The following DNM2 variants were observed in gnomAD, a reference collection of about 807,000 sequenced individuals.
The protein encoded by DNM2 is dynamin 2.
DNM2 carries 15 observed loss-of-function variants against 99.0 expected under a neutral mutation model. That is an observed-to-expected ratio of 0.15 (90% CI 0.10 to 0.23). The LOEUF is 0.23. Ranked by LOEUF, DNM2 falls within the 10% of genes least tolerant of loss-of-function variation. The pLI, the probability that DNM2 is intolerant of heterozygous loss-of-function variation, is 1.00. For synonymous variants in DNM2, 525 were observed against 481.2 expected (o/e 1.09, Z -1.19); for missense variants, 742 against 1,189.4 (o/e 0.62, Z 5.53).
intron 6 of DNM2, among the ~76,000 whole-genome samples, chr19:10,785,762 A>G (rs1251689798): frequency 6.6e-6 from 1 of 152,152 alleles, no homozygotes; most frequent in African/African-American, 2.4e-5. Context: ...CAGATGGCCA[A>G]ACTCTGCTTT....
rs1010447791 is a variant in DNM2 at position 10,772,612 on chromosome 19, A to G, written c.369A>G (p.Arg123=). 1 of 1,614,140 alleles carries G rather than the reference A, an allele frequency of 6.2e-7. No individual in the cohort carries two copies. ...TCTCCCCAGTGCCCATCAACCTTCG[A>G]GTCTACTCGCCACACGGTAGGCAGC... ...KGISPVPINL[R]VYSPHVLNLT... Residue 123 remains arginine (R), a synonymous_variant, in exon 3 of 21, where the codon CGA becomes CGG. Transcript: ENST00000389253. This position sits in a 1 kb window ranked among gnomAD's most constrained non-coding sequence, Gnocchi z 4.9.
intron 13 of DNM2, 62 bp downstream of exon 13, chr19:10,806,029 C>A: frequency 6.2e-7 from 1 of 1,606,904 alleles, no homozygotes; most frequent in Non-Finnish European, 8.5e-7. Flanking sequence ...TAAGTGACAG[C>A]TAAGCCCCCG....
chr19:10,831,012 A>G lies in DNM2; in HGVS notation c.2578A>G (p.Ile860Val). The change falls in exon 21 of 21, where the codon ATT (isoleucine) becomes GTT (valine). Residue 860 changes from isoleucine (I) to valine (V), a missense_variant. Coordinates refer to ENST00000389253, the MANE Select transcript of DNM2 (RefSeq NM_001005361.3). The surrounding 1 kb of genome is among the most constrained non-coding windows in gnomAD (Gnocchi z 4.3). Reference sequence around the variant, plus strand: ...CCCTGCTGCGCCCAGCCGGCCCACCATTATCCGCCCAGCCGAGCCATCCCT... The same window carrying G: ...CCCTGCTGCGCCCAGCCGGCCCACCGTTATCCGCCCAGCCGAGCCATCCCT... ...RPPAAPSRPT[I>V]IRPAEPSLLD 2 of 1,610,056 alleles carry G rather than the reference A, an allele frequency of 1.2e-6. No individual in the cohort carries two copies. The highest frequency in any genetic ancestry group is 1.1e-5 in the South Asian group (1 of 90,514).
At chr19:10,719,039 G>A (rs1308703744) in intron 1 of DNM2, among the ~76,000 whole-genome samples, 1 of 152,144 alleles carries the variant, frequency 6.6e-6, no homozygotes, top group African/African-American at 2.4e-5. Flanking sequence ...GACACCAGCT[G>A]GCCTCTACTG....
intron 12 of DNM2, 147 bp from the exon 13 acceptor site, chr19:10,805,769 C>A: frequency 1.1e-6 from 1 of 940,432 alleles, no homozygotes; most frequent in Non-Finnish European, 1.7e-6. Context: ...TTCCCTTGCG[C>A]AGCTCTGTGT....
At chr19:10,723,191 A>G (rs904446873) in intron 1 of DNM2, among the ~76,000 whole-genome samples, 2 of 149,042 alleles carry the variant, frequency 1.3e-5, no homozygotes, top group African/African-American at 5.0e-5. Context: ...CTGGAGTGCA[A>G]TGGCACGATC....
chr19:10,799,296 C>G (rs1234513269), intron 11 of DNM2, among the ~76,000 whole-genome samples: 2 of 152,156 alleles, frequency 1.3e-5, no homozygotes, highest in Non-Finnish European at 2.9e-5. Flanking sequence ...TCCTACAGTC[C>G]TTCAAGTGGA....
intron 1 of DNM2, among the ~76,000 whole-genome samples, chr19:10,733,282 C>G (rs548684346): frequency 6.6e-6 from 1 of 150,640 alleles, no homozygotes; most frequent in African/African-American, 2.4e-5. Context: ...ACCTCCCCCT[C>G]TCGGGCTCAA....
intron 1 of DNM2, among the ~76,000 whole-genome samples, chr19:10,755,789 G>C (rs1006773476): frequency 7.2e-5 from 11 of 151,896 alleles, no homozygotes; most frequent in Admixed American, 6.6e-5. Context: ...TTAGCCTCCC[G>C]AGTGGCTGGG....
At position 10,830,161 on chromosome 19, in the gene DNM2, C is replaced by A; in HGVS notation, c.2326C>A (p.His776Asn). The change falls in exon 20 of 21, where the codon CAC becomes AAC. Residue 776 changes from histidine (H) to asparagine (N), a missense_variant. Physicochemically the swap from His to Asn is moderately conservative, Grantham distance 68. Transcript: ENST00000389253. The surrounding 1 kb of genome is among the most constrained non-coding windows in gnomAD (Gnocchi z 4.8). ...ACAGCGCCGACCGGTGTCCAGCATA[C>A]ACCCCCCTGGCCGGCCCCCAGCAGT... ...TPQRRPVSSIHPPGRPPAVRG... is the reference protein window; with the variant it reads ...TPQRRPVSSINPPGRPPAVRG... The A allele has an allele frequency of 6.2e-7, 1 of 1,613,850 alleles. No homozygotes were observed. The highest frequency in any genetic ancestry group is 8.5e-7 in the Non-Finnish European group (1 of 1,179,808).
chr19:10,761,092 G>T (rs948822592), intron 2 of DNM2, among the ~76,000 whole-genome samples: 3 of 151,840 alleles, frequency 2.0e-5, no homozygotes, highest in Admixed American at 6.6e-5. Context: ...GGGTTCAAGC[G>T]ATTCTCCTTC....
rs182752331 is a variant in DNM2, at chr19:10,784,958, G to A, written c.850-1606G>A. 5.4e-3 allele frequency among the ~76,000 whole-genome samples: 821 copies of A among 151,804 alleles called. 4 individuals are homozygous for A. Among genetic ancestry groups the A allele is most frequent in the Middle Eastern group, 0.017 (5 of 294 alleles). On this transcript the variant is annotated intron_variant, in intron 6 of 20. Coordinates refer to ENST00000389253, the MANE Select transcript of DNM2 (RefSeq NM_001005361.3). The stretch of plus-strand genomic sequence containing the variant: ...CATGCCTCAGCCTCCCAAGTAGCTG[G>A]GATTACAGGCGTGCGCCACCACACT...
chr19:10,724,412 C>A (rs575877863), intron 1 of DNM2, among the ~76,000 whole-genome samples: 1 of 152,096 alleles, frequency 6.6e-6, no homozygotes, highest in Non-Finnish European at 1.5e-5. Flanking sequence ...CTCCTGACTT[C>A]GTGATCCGCC....
chr19:10,821,528 A>C (rs1219209095), intron 16 of DNM2, among the ~76,000 whole-genome samples: 1 of 151,328 alleles, frequency 6.6e-6, no homozygotes, highest in Non-Finnish European at 1.5e-5. Flanking sequence ...CAGGCCTGCC[A>C]TGAAATCCTG....
At chr19:10,800,234 C>T (rs2072088659) in intron 11 of DNM2, among the ~76,000 whole-genome samples, 1 of 152,164 alleles carries the variant, frequency 6.6e-6, no homozygotes, top group South Asian at 2.1e-4. Flanking sequence ...CTTAATTAAG[C>T]CCTTGCTTGC....
Position 10,782,995 on chromosome 19 carries a change from A to C in DNM2, c.724A>C (p.Ile242Leu). 6.2e-7 allele frequency: 1 copy of C among 1,614,128 alleles called. No individual in the cohort carries two copies. The highest frequency in any genetic ancestry group is 1.3e-5 in the African/African-American group (1 of 75,056). Residue 242 changes from isoleucine (I) to leucine (L), a missense_variant, in exon 6 of 21, where the codon ATT (isoleucine) becomes CTT (leucine). By Grantham distance (5) the Ile-to-Leu change is conservative (BLOSUM62 2). Transcript: ENST00000389253. ...IGVVNRSQKD[I>L]EGKKDIRAAL... ...CGTGGTGAACCGCAGCCAGAAGGAT[A>C]TTGAGGGCAAGAAGGACATCCGTGC...
intron 1 of DNM2, among the ~76,000 whole-genome samples, chr19:10,746,182 A>G (rs2069959983): frequency 6.6e-6 from 1 of 152,168 alleles, no homozygotes; most frequent in Non-Finnish European, 1.5e-5. Flanking sequence ...GCTGCTCTCG[A>G]ACTCTGGACC....
chr19:10,719,587 C>G (rs1359678571), intron 1 of DNM2, among the ~76,000 whole-genome samples: 1 of 152,180 alleles, frequency 6.6e-6, no homozygotes, highest in Non-Finnish European at 1.5e-5. Context: ...CCACCTCTCC[C>G]TCCCACCAAC....
chr19:10,760,478 C>G (rs1326847152), intron 2 of DNM2, among the ~76,000 whole-genome samples: 1 of 152,118 alleles, frequency 6.6e-6, no homozygotes, highest in Non-Finnish European at 1.5e-5. Flanking sequence ...CTACAAAGTC[C>G]CAGCACCATG....
Sources: allele counts gnomAD v4.1 joint callset (sites outside exome capture counted in the v4.1 genomes callset), GRCh38; gene constraint gnomAD v4.1.1; non-coding constraint Gnocchi (gnomAD v3.1); transcripts MANE v1.5; gene names NCBI Gene and HGNC (gene_info 2026-07-23, HGNC 2026-07-21).